Variants in ATP8A2 observed in about 807,000 individuals in gnomAD.
The protein encoded by ATP8A2 is ATPase phospholipid transporting 8A2, also known as phospholipid-transporting ATPase IB.
ATP8A2 carries 100 observed loss-of-function variants against 165.6 expected under a neutral mutation model. The observed-to-expected ratio is 0.60, with a 90% CI of 0.51 to 0.71. The LOEUF is 0.71. ATP8A2 is among the 30% of genes least tolerant of loss of function. The pLI is 0.00. For missense variants in ATP8A2, 1,227 were observed against 1,479.5 expected (o/e 0.83, Z 2.80); for synonymous variants, 543 against 548.8 (o/e 0.99, Z 0.15).
chr13:25,957,201 A>G (rs1955546489), intron 33 of ATP8A2, among the ~76,000 whole-genome samples: 2 of 152,234 alleles, frequency 1.3e-5, no homozygotes, highest in African/African-American at 2.4e-5. Flanking sequence ...CCATTCAAGC[A>G]TAGACATGGG....
chr13:25,525,669 G>A (rs2037819677), intron 2 of ATP8A2, among the ~76,000 whole-genome samples: 4 of 152,062 alleles, frequency 2.6e-5, no homozygotes, highest in Admixed American at 2.6e-4. Context: ...TGATAAGTCT[G>A]TTGCCAGATG....
At chr13:25,897,164 G>T (rs1452045654) in intron 33 of ATP8A2, among the ~76,000 whole-genome samples, 2 of 152,172 alleles carry the variant, frequency 1.3e-5, no homozygotes, top group African/African-American at 4.8e-5. Flanking sequence ...TTTTGCAGTG[G>T]CTGGTACTGG....
chr13:25,991,070 C>T (rs1306918201), intron 35 of ATP8A2, among the ~76,000 whole-genome samples: 1 of 152,148 alleles, frequency 6.6e-6, no homozygotes, highest in Non-Finnish European at 1.5e-5. Context: ...GAGGTCAGAA[C>T]GGCTCTGCCT....
At chr13:25,483,682 T>A (rs139957703) in intron 2 of ATP8A2, among the ~76,000 whole-genome samples, 2 of 152,090 alleles carry the variant, frequency 1.3e-5, no homozygotes, top group African/African-American at 4.8e-5. Flanking sequence ...AGGAAGATTG[T>A]TTGAGGCTAG....
chr13:25,420,942 A>C (rs947124776), intron 1 of ATP8A2, among the ~76,000 whole-genome samples: 1 of 152,204 alleles, frequency 6.6e-6, no homozygotes, highest in African/African-American at 2.4e-5. Context: ...ACTTTAAGAA[A>C]TTACTTCCAT....
At chr13:25,800,773 C>T (rs537831578) in intron 27 of ATP8A2, among the ~76,000 whole-genome samples, 121 of 5,960 alleles carry the variant, frequency 0.02, 1 homozygote, top group South Asian at 0.15. Flanking sequence ...CCTGGAAAAC[C>T]TAACCCTCAT....
chr13:25,659,244 T>C (rs2041999177), intron 24 of ATP8A2, among the ~76,000 whole-genome samples: 2 of 152,206 alleles, frequency 1.3e-5, no homozygotes. Context: ...AAGTTCTTTC[T>C]AAAAGCTATC....
rs145701883 is a variant in ATP8A2, at chr13:25,644,243, A to G, written c.2211+54544A>G. On this transcript the variant is annotated intron_variant, in intron 24 of 36. Transcript: ENST00000381655. ...GCCTTTTATTTCTTTCTCTTGCAGA[A>G]TTGCTCTGGCAAGGAATCCAACATT... Among the ~76,000 whole-genome samples the G allele has an allele frequency of 7.7e-3, 1,176 of 152,216 alleles. 11 individuals are homozygous for G. Among genetic ancestry groups the G allele is most frequent in the Non-Finnish European group, 0.013 (909 of 67,982 alleles).
chr13:25,521,680 A>G (rs545563140), intron 2 of ATP8A2, among the ~76,000 whole-genome samples: 10 of 152,282 alleles, frequency 6.6e-5, no homozygotes, highest in Non-Finnish European at 1.5e-4. Flanking sequence ...TGAATTGACT[A>G]TAAATGCATG....
chr13:25,897,279 C>T (rs1953584943), intron 33 of ATP8A2, among the ~76,000 whole-genome samples: 1 of 152,138 alleles, frequency 6.6e-6, no homozygotes, highest in African/African-American at 2.4e-5. Flanking sequence ...TTTTATTTCT[C>T]CTTCACTTAC....
chr13:25,860,665 C>T, intron 31 of ATP8A2, 139 bp from the exon 32 acceptor site: 1 of 661,890 alleles, frequency 1.5e-6, no homozygotes, highest in Non-Finnish European at 2.7e-6. Flanking sequence ...AGAGAATTAG[C>T]TACTGACATG....
chr13:25,466,656 A>T (rs2035676198), intron 1 of ATP8A2, among the ~76,000 whole-genome samples: 1 of 152,248 alleles, frequency 6.6e-6, no homozygotes, highest in South Asian at 2.1e-4. Flanking sequence ...CTTTAGAAGC[A>T]AAACACAGTG....
intron 15 of ATP8A2, among the ~76,000 whole-genome samples, chr13:25,560,270 CA>C (rs1157742783): frequency 6.6e-6 from 1 of 152,096 alleles, no homozygotes; most frequent in African/African-American, 2.4e-5. Flanking sequence ...GGACTTTTAA[CA>C]AAAAAATTGA....
chr13:25,523,973 CT>C (rs1330815132), intron 2 of ATP8A2, among the ~76,000 whole-genome samples: 1 of 151,742 alleles, frequency 6.6e-6, no homozygotes, highest in African/African-American at 2.4e-5. Context: ...AGTCTTTCTC[CT>C]TTTTTGATGT....
At chr13:25,703,524 G>A (rs1043657864) in intron 25 of ATP8A2, among the ~76,000 whole-genome samples, 5 of 152,214 alleles carry the variant, frequency 3.3e-5, no homozygotes, top group Non-Finnish European at 7.4e-5. Flanking sequence ...TGTCCATAAT[G>A]TTCATAGCAG....
intron 1 of ATP8A2, among the ~76,000 whole-genome samples, chr13:25,391,434 T>C (rs2033242606): frequency 6.6e-6 from 1 of 152,204 alleles, no homozygotes; most frequent in African/African-American, 2.4e-5. Flanking sequence ...GTCACCAACG[T>C]GCCAGGCACT....
At chr13:25,636,681 C>T (rs1299240829) in intron 24 of ATP8A2, among the ~76,000 whole-genome samples, 7 of 152,144 alleles carry the variant, frequency 4.6e-5, no homozygotes, top group Admixed American at 2.6e-4. Context: ...ACAATCTCGC[C>T]TTCACTCCTG....
At chr13:25,852,922 C>T (rs925177315) in intron 30 of ATP8A2, among the ~76,000 whole-genome samples, 3 of 151,556 alleles carry the variant, frequency 2.0e-5, no homozygotes, top group Non-Finnish European at 2.9e-5. Flanking sequence ...AAAAAAATTA[C>T]AGTTTCTTAC....
At chr13:25,865,568 C>T (rs1424704203) in intron 33 of ATP8A2, among the ~76,000 whole-genome samples, 3 of 152,130 alleles carry the variant, frequency 2.0e-5, no homozygotes, top group Admixed American at 2.0e-4. Flanking sequence ...GAGTTTTTCT[C>T]ACGGAGAAGA....
Sources: allele counts gnomAD v4.1 joint callset (sites outside exome capture counted in the v4.1 genomes callset), GRCh38; gene constraint gnomAD v4.1.1; transcripts MANE v1.5; gene names NCBI Gene and HGNC (gene_info 2026-07-23, HGNC 2026-07-21).